Variants in KCNH8 observed in about 807,000 individuals in gnomAD.
KCNH8 encodes the protein voltage-gated delayed rectifier potassium channel KCNH8.
Under a neutral mutation model 103.6 loss-of-function variants are expected in KCNH8, and 70 were observed. That is an observed-to-expected ratio of 0.68 (90% CI 0.56 to 0.82). The LOEUF (loss-of-function observed/expected upper bound fraction) is 0.82, where lower values mean the gene tolerates loss of function less well. Ranked by LOEUF, KCNH8 falls within the 40% of genes least tolerant of loss-of-function variation. The pLI is 0.00. For missense variants in KCNH8, 1,217 were observed against 1,329.9 expected (o/e 0.92, Z 1.32); for synonymous variants, 498 against 489.4 (o/e 1.02, Z -0.23).
chr3:19,170,811 T>TATATATA (rs1491342985), intron 1 of KCNH8, among the ~76,000 whole-genome samples: 3 of 74,104 alleles, frequency 4.0e-5, no homozygotes, highest in Non-Finnish European at 7.1e-5. Flanking sequence ...TATATATATA[T>TATATATA]TTTTTTTTTT....
intron 11 of KCNH8, among the ~76,000 whole-genome samples, chr3:19,467,289 A>T (rs1178072284): frequency 7.3e-6 from 1 of 137,854 alleles, no homozygotes; most frequent in Non-Finnish European, 1.5e-5. Flanking sequence ...TCGCAGATTC[A>T]TGTATAAGTA....
intron 7 of KCNH8, among the ~76,000 whole-genome samples, chr3:19,429,049 A>G (rs2067074351): frequency 6.6e-6 from 1 of 151,894 alleles, no homozygotes; most frequent in African/African-American, 2.4e-5. Flanking sequence ...CTGGCTGAAA[A>G]CTTATTTTGG....
At chr3:19,419,056 A>T (rs1437341709) in intron 7 of KCNH8, among the ~76,000 whole-genome samples, 1 of 152,226 alleles carries the variant, frequency 6.6e-6, no homozygotes, top group Non-Finnish European at 1.5e-5. Flanking sequence ...TAAACATTTT[A>T]TCTAAACTAG....
rs771299495 is a variant in KCNH8 at position 19,438,303 on chromosome 3, C to T, written c.1317C>T (p.Asn439=). 27 of 1,614,050 alleles carry T rather than the reference C, an allele frequency of 1.7e-5. No homozygotes were observed. The highest frequency in any genetic ancestry group is 1.1e-4 in the South Asian group (10 of 91,068). Residue 439 remains asparagine (N), a synonymous_variant, in exon 8 of 16, where the codon AAC becomes AAT. Transcript: ENST00000328405. ...GCCTCACCAGCGTGGGTTTTGGGAA[C>T]GTCTCTGCTAATACAGATGCAGAAA... The part of the protein sequence containing the change: ...LSSLTSVGFG[N]VSANTDAEKI...
At chr3:19,440,831 T>G (rs1475490874) in intron 8 of KCNH8, among the ~76,000 whole-genome samples, 3 of 152,244 alleles carry the variant, frequency 2.0e-5, no homozygotes, top group Non-Finnish European at 4.4e-5. Flanking sequence ...CCATAATTTT[T>G]AAAGCAAATC....
chr3:19,158,488 A>G (rs1169384098), intron 1 of KCNH8, among the ~76,000 whole-genome samples: 1 of 151,782 alleles, frequency 6.6e-6, no homozygotes, highest in Non-Finnish European at 1.5e-5. Context: ...AAAAATCCTG[A>G]TGGTATTTTT....
At chr3:19,366,599 C>A (rs1185321102) in intron 5 of KCNH8, among the ~76,000 whole-genome samples, 1 of 151,606 alleles carries the variant, frequency 6.6e-6, no homozygotes, top group East Asian at 1.9e-4. Context: ...GGTTTTTTTC[C>A]CTCTTACCAA....
At chr3:19,516,736 T>C (rs868522158) in intron 14 of KCNH8, among the ~76,000 whole-genome samples, 1 of 151,978 alleles carries the variant, frequency 6.6e-6, no homozygotes, top group Admixed American at 6.6e-5. Flanking sequence ...CCAAAATATC[T>C]CTTAGTTCCC....
At chr3:19,378,459 C>T (rs1406322228) in intron 5 of KCNH8, among the ~76,000 whole-genome samples, 1 of 152,146 alleles carries the variant, frequency 6.6e-6, no homozygotes, top group Non-Finnish European at 1.5e-5. Context: ...GTATTAGAAG[C>T]AATTTTTCCC....
At position 19,210,703 on chromosome 3, in the gene KCNH8, T is replaced by A. The variant is rs566045044; in HGVS notation, c.77-42951T>A. Among the ~76,000 whole-genome samples, 23 of 152,078 alleles carry A rather than the reference T, an allele frequency of 1.5e-4. No homozygotes were observed. The South Asian group carries it at 4.6e-3, about 30-fold the overall frequency. ...AACCTATCAGTAAAAAAAAAAAATT[T>A]GATTAGAAAAACCGGGCTGTCACAT... On this transcript the variant is annotated intron_variant, in intron 1 of 15. Coordinates refer to ENST00000328405, the MANE Select transcript of KCNH8 (RefSeq NM_144633.3).
intron 7 of KCNH8, among the ~76,000 whole-genome samples, chr3:19,426,925 T>A (rs2067037340): frequency 6.6e-6 from 1 of 152,218 alleles, no homozygotes; most frequent in Admixed American, 6.5e-5. Context: ...CCTCCTTTCC[T>A]TTCCCTTTTG....
intron 7 of KCNH8, among the ~76,000 whole-genome samples, chr3:19,399,219 A>T (rs2066571562): frequency 6.6e-6 from 1 of 151,912 alleles, no homozygotes; most frequent in African/African-American, 2.4e-5. Context: ...TTTACAGTTT[A>T]ATTTTTGGGA....
In KCNH8 at chr3:19,534,044, TG is replaced by T; in HGVS notation, c.3271del (p.Glu1091LysfsTer9). 6.2e-7 allele frequency: 1 copy of T among 1,614,146 alleles called. No homozygotes were observed. Among genetic ancestry groups the T allele is most frequent in the Admixed American group, 1.7e-5 (1 of 60,030 alleles). Reference sequence around the variant, plus strand: ...ACAAAACCTTTGGAGAACCTTCCACTGGAAGTTGTCACAAGCACAGCAGAAG... The same window carrying T: ...ACAAAACCTTTGGAGAACCTTCCACTGAAGTTGTCACAAGCACAGCAGAAG... ...ASTKPLENLP[L>X]EVVTSTAEVK... is the part of the protein sequence containing the mutation. On this transcript the variant is annotated frameshift_variant, in exon 16 of 16. Coordinates refer to ENST00000328405, the MANE Select transcript of KCNH8 (RefSeq NM_144633.3). LOFTEE classifies it high-confidence loss of function.
chr3:19,391,237 C>G (rs925807357), intron 6 of KCNH8, among the ~76,000 whole-genome samples: 1 of 151,978 alleles, frequency 6.6e-6, no homozygotes, highest in Non-Finnish European at 1.5e-5. Flanking sequence ...ATCTTGGTAC[C>G]TTCTTTTTCT....
At chr3:19,378,104 T>A (rs1030796599) in intron 5 of KCNH8, among the ~76,000 whole-genome samples, 2 of 152,180 alleles carry the variant, frequency 1.3e-5, no homozygotes, top group African/African-American at 4.8e-5. Flanking sequence ...AGACAGACAG[T>A]GGTTCTACCA....
At chr3:19,485,135 C>A (rs2068178275) in intron 11 of KCNH8, among the ~76,000 whole-genome samples, 1 of 152,046 alleles carries the variant, frequency 6.6e-6, no homozygotes. Flanking sequence ...TTTTCTGTAC[C>A]AAGTCGCTCA....
chr3:19,317,570 A>G (rs1169429780), intron 3 of KCNH8, among the ~76,000 whole-genome samples: 1 of 151,932 alleles, frequency 6.6e-6, no homozygotes, highest in Admixed American at 6.6e-5. Context: ...TCTACCTCAG[A>G]GTATAACTAT....
chr3:19,501,471 CA>C (rs879331672), intron 11 of KCNH8, among the ~76,000 whole-genome samples: 42 of 152,032 alleles, frequency 2.8e-4, no homozygotes, highest in Admixed American at 1.2e-3. Flanking sequence ...GAGACACAAC[CA>C]AAAAAGAGAA....
intron 3 of KCNH8, among the ~76,000 whole-genome samples, chr3:19,326,629 T>A (rs1048177478): frequency 1.3e-5 from 2 of 152,128 alleles, no homozygotes; most frequent in Admixed American, 1.3e-4. Flanking sequence ...AAGTAGCTGT[T>A]AATATCAGAT....
Sources: gnomAD v4.1 joint callset for allele counts (sites outside exome capture counted in the v4.1 genomes callset) on GRCh38, gnomAD v4.1.1 for gene constraint, MANE v1.5 for transcripts, NCBI Gene and HGNC (gene_info 2026-07-23, HGNC 2026-07-21) for gene names.